Variants in ACBD3 observed in about 807,000 individuals in gnomAD.
ACBD3 encodes the protein acyl-CoA binding domain containing 3.
Under a neutral mutation model 66.9 loss-of-function variants are expected in ACBD3, and 30 were observed. The observed-to-expected ratio is 0.45, with a 90% confidence interval of 0.34 to 0.61. ACBD3 has a LOEUF of 0.61. Among genes scored for constraint, ACBD3 ranks in the 20% least tolerant of loss-of-function variants. ACBD3 has a pLI of 0.02. For synonymous variants in ACBD3, 278 were observed against 259.8 expected, an observed-to-expected ratio of 1.07 and a Z score of -0.68; for missense variants, 544 against 664.5, an observed-to-expected ratio of 0.82 and a Z score of 1.99.
chr1:226,152,438 A>C lies in ACBD3; in HGVS notation c.1272T>G (p.Asn424Lys). ...AATACACCCCAAACCCAATGTCATAATTGTCTGTGGCAAATTCCCAAAAGA... is the reference window on the plus strand; with the variant it reads ...AATACACCCCAAACCCAATGTCATACTTGTCTGTGGCAAATTCCCAAAAGA... ...SYLFWEFATD[N>K]YDIGFGVYFE... The change falls in exon 7 of 8, where the codon AAT (asparagine) becomes AAG (lysine). Residue 424 changes from asparagine to lysine, a missense_variant. Coordinates refer to ENST00000366812, the MANE Select transcript of ACBD3 (RefSeq NM_022735.4). The C allele has an allele frequency of 6.2e-7, 1 of 1,614,162 alleles. No individual in the cohort carries two copies. Among genetic ancestry groups the C allele is most frequent in the Non-Finnish European group, 8.5e-7 (1 of 1,180,036 alleles).
chr1:226,154,637 C>A lies in ACBD3; in HGVS notation c.1090+10G>T. On this transcript the variant is annotated intron_variant, in intron 6 of 7. Coordinates refer to ENST00000366812, the MANE Select transcript of ACBD3 (RefSeq NM_022735.4). ...TATGACATCTGGACAAACACATATGCAAAACCTACCTTTTGGTCCATTCTC... is the reference window on the plus strand; with the variant it reads ...TATGACATCTGGACAAACACATATGAAAAACCTACCTTTTGGTCCATTCTC... The A allele has an allele frequency of 6.2e-7, 1 of 1,604,394 alleles. No individual in the cohort carries two copies. The highest frequency in any genetic ancestry group is 8.5e-7 in the Non-Finnish European group (1 of 1,175,500).
chr1:226,154,515 A>G (rs1304540174), intron 6 of ACBD3, 132 bp downstream of exon 6: 3 of 1,044,348 alleles, frequency 2.9e-6, no homozygotes, highest in Admixed American at 2.8e-5. Flanking sequence ...CAGACTAAAA[A>G]GAGTAAAAAA....
chr1:226,159,073 C>T lies in ACBD3; in HGVS notation c.903+111G>A, dbSNP rs75267544. 11 of 1,249,678 alleles carry T rather than the reference C, an allele frequency of 8.8e-6. No homozygotes were observed. In the East Asian group the frequency reaches 1.9e-4, roughly 21 times the overall value. 77.4% of individuals were successfully genotyped at this position (1,249,678 alleles called of 1,614,324 possible). A position where few individuals can be genotyped will look rare whatever the true frequency, so the allele number is the denominator to read the frequency against. The stretch of plus-strand genomic sequence containing the variant: ...AAGATCACCCAAAAGTTACTTTACA[C>T]CTTAGAGGCTAACTAATGCAAAATT... On this transcript the variant is annotated intron_variant, in intron 5 of 7. Coordinates refer to ENST00000366812, the MANE Select transcript of ACBD3 (RefSeq NM_022735.4).
At chr1:226,184,354 A>C (rs1656243942) in intron 1 of ACBD3, among the ~76,000 whole-genome samples, 1 of 152,098 alleles carries the variant, frequency 6.6e-6, no homozygotes, top group African/African-American at 2.4e-5. Context: ...CTACACAGCT[A>C]TTTCTCCTTT....
chr1:226,146,613 T>C lies in ACBD3; in HGVS notation c.1584A>G (p.Arg528=). Residue 528 remains arginine (R), a synonymous_variant, in exon 8 of 8, where the codon AGA becomes AGG. Coordinates refer to ENST00000366812, the MANE Select transcript of ACBD3 (RefSeq NM_022735.4). The part of the protein sequence containing the change: ...KSVYYRVYYT[R] The stretch of plus-strand genomic sequence containing the variant: ...TCCAGACTTTGTAACAACATTTTTA[T>C]CTAGTATAATAGACTCTGTAGTAGA... 2 of 1,612,858 alleles carry C rather than the reference T, an allele frequency of 1.2e-6. No homozygotes were observed. The highest frequency in any genetic ancestry group is 1.7e-6 in the Non-Finnish European group (2 of 1,179,216).
intron 1 of ACBD3, among the ~76,000 whole-genome samples, chr1:226,178,300 G>A (rs907900461): frequency 1.3e-4 from 20 of 151,992 alleles, no homozygotes; most frequent in African/African-American, 4.6e-4. Context: ...GCTGGGCGCA[G>A]TGGCTCACAC....
rs534518830 is a variant in ACBD3 at position 226,150,100 on chromosome 1, G to C, written c.1375+2235C>G. Among the ~76,000 whole-genome samples, 398 of 147,404 alleles carry C rather than the reference G, an allele frequency of 2.7e-3. 3 individuals carry two copies. The highest frequency in any genetic ancestry group is 9.4e-3 in the African/African-American group (377 of 39,896). ...GAGGGAGGGCCTAGCTCTGTCGCTC[G>C]GGCTGGAATGCAGTGGTGTGATCAT... is the stretch of plus-strand genomic sequence containing the variant. On this transcript the variant is annotated intron_variant, in intron 7 of 7. Coordinates refer to ENST00000366812, the MANE Select transcript of ACBD3 (RefSeq NM_022735.4).
intron 1 of ACBD3, among the ~76,000 whole-genome samples, chr1:226,181,433 A>G (rs1026910823): frequency 6.6e-6 from 1 of 152,184 alleles, no homozygotes; most frequent in Admixed American, 6.6e-5. Flanking sequence ...TATCATTAAT[A>G]TAATTCTCTC....
At chr1:226,169,495 C>T (rs1479437541) in intron 1 of ACBD3, among the ~76,000 whole-genome samples, 5 of 146,178 alleles carry the variant, frequency 3.4e-5, no homozygotes, top group South Asian at 4.4e-4. Context: ...GTGATCTGCC[C>T]GCCTCGGCCT....
chr1:226,166,937 C>T (rs757292559), intron 1 of ACBD3, among the ~76,000 whole-genome samples: 1 of 152,154 alleles, frequency 6.6e-6, no homozygotes, highest in East Asian at 1.9e-4. Flanking sequence ...GCTGGGACTA[C>T]AGGCATGTGC....
intron 1 of ACBD3, among the ~76,000 whole-genome samples, chr1:226,176,611 A>G (rs1656039685): frequency 1.3e-5 from 2 of 152,242 alleles, no homozygotes; most frequent in East Asian, 3.9e-4. Flanking sequence ...ACCTTCTTTA[A>G]CAATAGTTGT....
At chr1:226,170,687 T>C (rs770313190) in intron 1 of ACBD3, among the ~76,000 whole-genome samples, 1 of 152,088 alleles carries the variant, frequency 6.6e-6, no homozygotes, top group East Asian at 1.9e-4. Flanking sequence ...AAAAAATTTT[T>C]TGAAATCCCT....
chr1:226,172,494 C>T (rs186043258), intron 1 of ACBD3, among the ~76,000 whole-genome samples: 58 of 152,256 alleles, frequency 3.8e-4, no homozygotes, highest in African/African-American at 1.3e-3. Context: ...TCATTTGAAT[C>T]CACAAGTTAG....
At chr1:226,177,920 GT>G (rs895882826) in intron 1 of ACBD3, among the ~76,000 whole-genome samples, 9 of 150,960 alleles carry the variant, frequency 6.0e-5, no homozygotes, top group Admixed American at 2.0e-4. Context: ...TTTTTGTGGG[GT>G]TTTTTTTGCA....
chr1:226,160,660 C>G (rs1659754771), intron 4 of ACBD3, among the ~76,000 whole-genome samples: 1 of 152,162 alleles, frequency 6.6e-6, no homozygotes, highest in African/African-American at 2.4e-5. Flanking sequence ...CTCTCATGTT[C>G]TCTGGTTTAA....
At chr1:226,167,544 C>T (rs987017022) in intron 1 of ACBD3, among the ~76,000 whole-genome samples, 1 of 152,116 alleles carries the variant, frequency 6.6e-6, no homozygotes, top group South Asian at 2.1e-4. Flanking sequence ...ATTTAAAAGC[C>T]GTATGAAATT....
rs575253281 is a variant in ACBD3 at position 226,169,782 on chromosome 1, G to T, written c.287-3782C>A. The stretch of plus-strand genomic sequence containing the variant: ...CACACCTGTAATCCCAGCACTTTGG[G>T]AGGCCAAGGCAGATGGATCACCTGA... On this transcript the variant is annotated intron_variant, in intron 1 of 7. Coordinates refer to ENST00000366812, the MANE Select transcript of ACBD3 (RefSeq NM_022735.4). Among the ~76,000 whole-genome samples, 174 of 151,266 alleles carry T rather than the reference G, an allele frequency of 1.2e-3. 1 individual carries two copies. Among genetic ancestry groups the T allele is most frequent in the African/African-American group, 3.9e-3 (160 of 41,328 alleles).
intron 4 of ACBD3, among the ~76,000 whole-genome samples, chr1:226,160,140 G>A (rs1659744754): frequency 6.8e-6 from 1 of 146,122 alleles, no homozygotes; most frequent in East Asian, 2.0e-4. Context: ...CACCCATGCT[G>A]GAGTGCAGTG....
intron 4 of ACBD3, among the ~76,000 whole-genome samples, chr1:226,160,960 T>C (rs919590228): frequency 6.6e-6 from 1 of 152,156 alleles, no homozygotes; most frequent in African/African-American, 2.4e-5. Context: ...ATAGACCAAA[T>C]AAATCCTCGG....
Sources: allele counts gnomAD v4.1 joint callset (sites outside exome capture counted in the v4.1 genomes callset), GRCh38; gene constraint gnomAD v4.1.1; transcripts MANE v1.5; gene names NCBI Gene and HGNC (gene_info 2026-07-23, HGNC 2026-07-21).